The following SIPA1L3 variants were observed in gnomAD, a reference collection of about 807,000 sequenced individuals.
SIPA1L3 encodes the protein signal-induced proliferation-associated 1-like protein 3.
SIPA1L3 carries 59 observed loss-of-function variants against 150.1 expected under a neutral mutation model. The ratio of observed to expected loss-of-function variants is 0.39; its 90% CI spans 0.32 to 0.49. The LOEUF (loss-of-function observed/expected upper bound fraction) is 0.49, where lower values mean the gene tolerates loss of function less well. Ranked by LOEUF, SIPA1L3 falls within the 20% of genes least tolerant of loss-of-function variation. The pLI is 0.86. For missense variants in SIPA1L3, 2,211 were observed against 2,489.5 expected (o/e 0.89, Z 2.38); for synonymous variants, 1,070 against 1,077.6 (o/e 0.99, Z 0.14).
intron 1 of SIPA1L3, among the ~76,000 whole-genome samples, chr19:37,911,430 C>A (rs1194701302): frequency 6.6e-6 from 1 of 152,042 alleles, no homozygotes; most frequent in East Asian, 1.9e-4. Context: ...ACAGCTGTAC[C>A]CACATTCTTC....
chr19:38,205,105 G>A (rs1973178909), intron 21 of SIPA1L3, among the ~76,000 whole-genome samples: 1 of 152,168 alleles, frequency 6.6e-6, no homozygotes, highest in Non-Finnish European at 1.5e-5. Context: ...TAACCACCAT[G>A]GTTGAGAGGG....
intron 2 of SIPA1L3, among the ~76,000 whole-genome samples, chr19:38,039,684 ACT>A (rs1320991667): frequency 8.5e-6 from 1 of 117,030 alleles, no homozygotes; most frequent in East Asian, 2.4e-4. Flanking sequence ...ACAGAGCAAG[ACT>A]CTGTCTCAAA....
intron 1 of SIPA1L3, among the ~76,000 whole-genome samples, chr19:38,008,217 CTTTTTTTT>C (rs35422339): frequency 8.0e-5 from 4 of 50,094 alleles, no homozygotes; most frequent in Non-Finnish European, 1.4e-4. Context: ...CCATAGGCTG[CTTTTTTTT>C]TTTTTTTTTT....
chr19:38,027,048 T>C (rs1017325084), intron 1 of SIPA1L3, among the ~76,000 whole-genome samples: 1 of 152,082 alleles, frequency 6.6e-6, no homozygotes, highest in Non-Finnish European at 1.5e-5. Context: ...TCCCAGCACT[T>C]TGGGAGGCCA....
chr19:38,110,833 G>A (rs1233248220), intron 8 of SIPA1L3, among the ~76,000 whole-genome samples: 1 of 151,948 alleles, frequency 6.6e-6, no homozygotes, highest in East Asian at 1.9e-4. Context: ...CCCCAGAATT[G>A]GGGCTCACTG....
chr19:37,983,332 G>A (rs1967247624), intron 1 of SIPA1L3, among the ~76,000 whole-genome samples: 2 of 152,176 alleles, frequency 1.3e-5, no homozygotes, highest in African/African-American at 2.4e-5. Flanking sequence ...CCTCGGACAA[G>A]GGACTGCACC....
At position 38,046,257 on chromosome 19, in the gene SIPA1L3, G is replaced by A. The variant is rs1969054797; in HGVS notation, c.-311+17101G>A. On this transcript the variant is annotated intron_variant, in intron 2 of 21. Coordinates refer to ENST00000222345, the MANE Select transcript of SIPA1L3 (RefSeq NM_015073.3). This position sits in a 1 kb window ranked among gnomAD's most constrained non-coding sequence, Gnocchi z 5.6. ...CCGAGAAACAGGTCACAGCAGCCCC[G>A]CCTCCTCCATAGACCTCCAGGCCTC... is the stretch of plus-strand genomic sequence containing the variant. Among the ~76,000 whole-genome samples, 2 of 152,110 alleles carry A rather than the reference G, an allele frequency of 1.3e-5. No individual in the cohort carries two copies. Among genetic ancestry groups the A allele is most frequent in the African/African-American group, 2.4e-5 (1 of 41,418 alleles).
At chr19:38,094,797 T>C (rs192511622) in intron 4 of SIPA1L3, among the ~76,000 whole-genome samples, 6 of 152,220 alleles carry the variant, frequency 3.9e-5, no homozygotes, top group African/African-American at 1.4e-4. Context: ...CCAGGCGTGG[T>C]AGCTCACGCC....
chr19:38,116,739 A>C (rs1349877162), intron 8 of SIPA1L3, among the ~76,000 whole-genome samples: 1 of 152,036 alleles, frequency 6.6e-6, no homozygotes. Context: ...CTGTAATCCC[A>C]GTTACCCCAG....
intron 1 of SIPA1L3, among the ~76,000 whole-genome samples, chr19:37,980,630 G>T (rs1299314861): frequency 6.6e-6 from 1 of 152,066 alleles, no homozygotes; most frequent in Non-Finnish European, 1.5e-5. Context: ...GAGGGGGCCC[G>T]TCGAGGCATG....
intron 4 of SIPA1L3, among the ~76,000 whole-genome samples, chr19:38,098,502 C>T (rs1970430487): frequency 6.6e-6 from 1 of 150,550 alleles, no homozygotes; most frequent in African/African-American, 2.5e-5. Context: ...TCAAGCAATT[C>T]TCCTGCCACA....
chr19:38,091,183 C>G (rs1347169886), intron 4 of SIPA1L3, among the ~76,000 whole-genome samples: 2 of 152,166 alleles, frequency 1.3e-5, no homozygotes, highest in African/African-American at 4.8e-5. Flanking sequence ...CCCTGGAGTT[C>G]GAGACCAGCC....
At chr19:38,132,820 AT>A (rs1350647576) in intron 10 of SIPA1L3, among the ~76,000 whole-genome samples, 4 of 151,666 alleles carry the variant, frequency 2.6e-5, no homozygotes, top group African/African-American at 7.3e-5. Flanking sequence ...GCTAAATTTC[AT>A]ATTTTTAGTA....
chr19:37,984,446 C>T (rs10422365), intron 1 of SIPA1L3, among the ~76,000 whole-genome samples: 46,882 of 151,732 alleles, frequency 0.31, 8,914 homozygotes, highest in African/African-American at 0.53. Context: ...AAGCTCACAA[C>T]GAGTGCCAAG....
intron 6 of SIPA1L3, among the ~76,000 whole-genome samples, chr19:38,102,292 A>ACCTG (rs1568551047): frequency 1.4e-5 from 2 of 146,492 alleles, no homozygotes; most frequent in Non-Finnish European, 3.0e-5. Flanking sequence ...TGATCTGCCC[A>ACCTG]CCTCGGCCTC....
chr19:38,000,839 C>T (rs1372494705), intron 1 of SIPA1L3, among the ~76,000 whole-genome samples: 1 of 146,708 alleles, frequency 6.8e-6, no homozygotes, highest in Non-Finnish European at 1.5e-5. Context: ...GAATGAGTAA[C>T]TCTATAATCT....
chr19:38,185,032 C>G (rs1290514266), intron 16 of SIPA1L3: 10 of 152,738 alleles, frequency 6.5e-5, no homozygotes, highest in Non-Finnish European at 1.3e-4. Flanking sequence ...CCAGGCACAC[C>G]CCAGGGCCTT....
At chr19:38,028,109 A>T (rs866486456) in intron 1 of SIPA1L3, among the ~76,000 whole-genome samples, 5 of 152,146 alleles carry the variant, frequency 3.3e-5, no homozygotes, top group Admixed American at 6.5e-5. Context: ...TGTGATGCTG[A>T]ACAATACAGA....
chr19:38,027,173 C>T (rs1420364552), intron 1 of SIPA1L3, among the ~76,000 whole-genome samples: 2 of 152,088 alleles, frequency 1.3e-5, no homozygotes, highest in African/African-American at 4.8e-5. Context: ...TACCTGTAAA[C>T]CCAGCTACTC....
Sources: gnomAD v4.1 joint callset for allele counts (sites outside exome capture counted in the v4.1 genomes callset) on GRCh38, gnomAD v4.1.1 for gene constraint, Gnocchi (gnomAD v3.1) non-coding constraint, MANE v1.5 for transcripts, NCBI Gene and HGNC (gene_info 2026-07-23, HGNC 2026-07-21) for gene names.